SFMBT2: variants seen among roughly 807,000 people sequenced by gnomAD.
The protein encoded by SFMBT2 is Scm like with four mbt domains 2.
SFMBT2 carries 38 observed loss-of-function variants against 110.1 expected under a neutral mutation model. The ratio of observed to expected loss-of-function variants is 0.35; its 90% CI spans 0.27 to 0.45. The LOEUF is 0.45. SFMBT2 is among the 20% of genes least tolerant of loss of function. The pLI, the probability that SFMBT2 is intolerant of heterozygous loss-of-function variation, is 1.00. For missense variants in SFMBT2, 1,011 were observed against 1,094.9 expected, an observed-to-expected ratio of 0.92 and a Z score of 1.08; for synonymous variants, 425 against 425.4, an observed-to-expected ratio of 1.00 and a Z score of 0.01.
intron 7 of SFMBT2, among the ~76,000 whole-genome samples, chr10:7,271,066 C>T (rs560141465): frequency 2.4e-4 from 37 of 152,170 alleles, no homozygotes; most frequent in African/African-American, 8.4e-4. Flanking sequence ...GGGTGGATTG[C>T]TTGAGTTCAG....
intron 1 of SFMBT2, among the ~76,000 whole-genome samples, chr10:7,396,297 T>C (rs1327695172): frequency 6.6e-6 from 1 of 152,070 alleles, no homozygotes; most frequent in Non-Finnish European, 1.5e-5. Context: ...ACAGTGGAGG[T>C]TGTTATGTAT....
intron 1 of SFMBT2, among the ~76,000 whole-genome samples, chr10:7,386,150 T>G (rs556033732): frequency 1.3e-5 from 2 of 152,212 alleles, no homozygotes; most frequent in African/African-American, 2.4e-5. Context: ...GGATGGCTCA[T>G]GCTCAGGGAC....
At chr10:7,284,436 G>A (rs2131842594) in intron 5 of SFMBT2, 1 of 1,135,126 alleles carries the variant, frequency 8.8e-7, no homozygotes, top group South Asian at 3.3e-5. Flanking sequence ...ACCCTTCCCA[G>A]ATAAAATTGC....
chr10:7,191,435 G>A (rs935090246), intron 15 of SFMBT2, among the ~76,000 whole-genome samples: 1 of 151,914 alleles, frequency 6.6e-6, no homozygotes, highest in African/African-American at 2.4e-5. Flanking sequence ...CCCAACAACC[G>A]CCAGGGCGAT....
Position 7,378,143 on chromosome 10 carries a change from T to G in SFMBT2, c.100+3656A>C, listed in dbSNP as rs114004340. Among the ~76,000 whole-genome samples the G allele has an allele frequency of 3.3e-3, 360 of 109,768 alleles. 7 individuals carry two copies. Among genetic ancestry groups the G allele is most frequent in the African/African-American group, 0.013 (349 of 27,730 alleles). The allele number at this position is 109,768 out of a possible 152,430, so 72.0% of individuals were successfully genotyped here. A position where few individuals can be genotyped will look rare whatever the true frequency, so the allele number is the denominator to read the frequency against. On this transcript the variant is annotated intron_variant, in intron 2 of 20. Coordinates refer to ENST00000397167, the MANE Select transcript of SFMBT2 (RefSeq NM_001387889.1). ...ATGGGTGTGAGTGTGGGTGTGAGTG[T>G]ATGGATGGGTGGATGGATGGGTGGA...
At chr10:7,266,676 T>G (rs1392829670) in intron 7 of SFMBT2, among the ~76,000 whole-genome samples, 1 of 152,198 alleles carries the variant, frequency 6.6e-6, no homozygotes, top group Admixed American at 6.5e-5. Context: ...AGAAGCCCTC[T>G]GGCTGCAGTC....
intron 4 of SFMBT2, among the ~76,000 whole-genome samples, chr10:7,365,224 C>A (rs1487077023): frequency 1.3e-5 from 2 of 152,190 alleles, no homozygotes; most frequent in Non-Finnish European, 2.9e-5. Flanking sequence ...CAGCACTCAC[C>A]TGAATAGAGA....
chr10:7,247,186 A>G (rs568346265), intron 8 of SFMBT2, among the ~76,000 whole-genome samples: 4 of 152,242 alleles, frequency 2.6e-5, no homozygotes, highest in South Asian at 2.1e-4. Context: ...GCAAGATCTC[A>G]GCTCACTACA....
At chr10:7,392,269 CT>C (rs1767787601) in intron 1 of SFMBT2, among the ~76,000 whole-genome samples, 1 of 152,142 alleles carries the variant, frequency 6.6e-6, no homozygotes. Flanking sequence ...AATCCCAACA[CT>C]TTGGGAGGCC....
intron 15 of SFMBT2, among the ~76,000 whole-genome samples, chr10:7,190,215 T>A (rs1838552208): frequency 6.6e-6 from 1 of 152,220 alleles, no homozygotes; most frequent in African/African-American, 2.4e-5. Flanking sequence ...TTTTCTGTAT[T>A]AGAATAATCA....
At chr10:7,271,123 A>G (rs1489920267) in intron 7 of SFMBT2, among the ~76,000 whole-genome samples, 1 of 151,882 alleles carries the variant, frequency 6.6e-6, no homozygotes, top group Non-Finnish European at 1.5e-5. Flanking sequence ...CAGCTCTACT[A>G]AAAATACAAA....
chr10:7,406,264 A>G (rs1846206213), intron 1 of SFMBT2, among the ~76,000 whole-genome samples: 1 of 152,184 alleles, frequency 6.6e-6, no homozygotes, highest in Non-Finnish European at 1.5e-5. Flanking sequence ...AAGAAAAAGA[A>G]AAAGAAAACT....
intron 1 of SFMBT2, among the ~76,000 whole-genome samples, chr10:7,390,592 T>C (rs11255104): frequency 0.026 from 3,928 of 152,268 alleles, 90 homozygotes; most frequent in Non-Finnish European, 0.038. Flanking sequence ...CTCAAAAATG[T>C]AGTCATGTAC....
At chr10:7,287,331 G>A (rs976504264) in intron 4 of SFMBT2, 4 of 194,426 alleles carry the variant, frequency 2.1e-5, no homozygotes, top group Non-Finnish European at 3.8e-5. Context: ...CACCCGCCTC[G>A]GCCTCCCAAA....
In SFMBT2 at chr10:7,227,892, T is replaced by G; in HGVS notation, c.1166A>C (p.His389Pro). The G allele has an allele frequency of 6.2e-7, 1 of 1,609,540 alleles. No homozygotes were observed. Among genetic ancestry groups the G allele is most frequent in the East Asian group, 2.2e-5 (1 of 44,636 alleles). Reference protein sequence around the residue: ...DFDWADYHKQHGAQEAPPFCF... With the variant: ...DFDWADYHKQPGAQEAPPFCF... ...GAAGGGAGGGGCTTCCTGCGCCCCA[T>G]GCTGCTTGTGATAATCTGCCCAGTC... Residue 389 changes from histidine (H) to proline (P), a missense_variant, in exon 10 of 21, where the codon CAT becomes CCT. Physicochemically the swap from His to Pro is moderately conservative, Grantham distance 77. Transcript: ENST00000397167.
intron 4 of SFMBT2, among the ~76,000 whole-genome samples, chr10:7,294,695 C>T (rs1308694687): frequency 6.6e-6 from 1 of 152,154 alleles, no homozygotes; most frequent in Non-Finnish European, 1.5e-5. Context: ...AGGTGCAGAA[C>T]AGCAAAGGAC....
chr10:7,177,734 C>T (rs1838115333), intron 16 of SFMBT2, among the ~76,000 whole-genome samples: 1 of 151,882 alleles, frequency 6.6e-6, no homozygotes. Context: ...CACGGTGGGG[C>T]ACTACTGGGG....
chr10:7,356,569 C>T (rs758254686), intron 4 of SFMBT2, among the ~76,000 whole-genome samples: 14 of 152,282 alleles, frequency 9.2e-5, no homozygotes, highest in South Asian at 2.1e-4. Context: ...TGTGCCACCA[C>T]GCCTGGCTAA....
intron 10 of SFMBT2, among the ~76,000 whole-genome samples, chr10:7,226,390 G>T (rs1839896268): frequency 6.6e-6 from 1 of 152,186 alleles, no homozygotes; most frequent in South Asian, 2.1e-4. Flanking sequence ...ACTCACTTTT[G>T]AACTTCTGCC....
Sources: allele counts gnomAD v4.1 joint callset (sites outside exome capture counted in the v4.1 genomes callset), GRCh38; gene constraint gnomAD v4.1.1; transcripts MANE v1.5; gene names NCBI Gene and HGNC (gene_info 2026-07-23, HGNC 2026-07-21).